The following CDH12 variants were observed in gnomAD, a reference collection of about 807,000 sequenced individuals.
The protein encoded by CDH12 is cadherin-12.
Under a neutral mutation model 74.1 loss-of-function variants are expected in CDH12, and 41 were observed. That is an observed-to-expected ratio of 0.55 (90% CI 0.43 to 0.72). The LOEUF (loss-of-function observed/expected upper bound fraction) is 0.72, where lower values mean the gene tolerates loss of function less well. CDH12 is among the 30% of genes least tolerant of loss of function. The probability of loss-of-function intolerance (pLI) is 0.00; values close to 1 mark genes in which losing one functional copy is unlikely to be tolerated. For missense variants in CDH12, 945 were observed against 977.2 expected, an observed-to-expected ratio of 0.97 and a Z score of 0.44; for synonymous variants, 399 against 355.0, an observed-to-expected ratio of 1.12 and a Z score of -1.39.
At chr5:22,329,550 C>T (rs1406418365) in intron 3 of CDH12, among the ~76,000 whole-genome samples, 1 of 152,092 alleles carries the variant, frequency 6.6e-6, no homozygotes, top group Non-Finnish European at 1.5e-5. Flanking sequence ...ATCATCAGAA[C>T]CAAAAATCAG....
At chr5:22,657,420 A>G (rs954715473) in intron 1 of CDH12, among the ~76,000 whole-genome samples, 1 of 152,216 alleles carries the variant, frequency 6.6e-6, no homozygotes, top group Admixed American at 6.5e-5. Flanking sequence ...AATATTTTAC[A>G]TTAAAACAAA....
In CDH12 at chr5:21,760,588, T is replaced by C. The variant is rs1744661376; in HGVS notation, c.1603A>G (p.Lys535Glu). 1.2e-6 allele frequency: 2 copies of C among 1,608,790 alleles called. No homozygotes were observed. The change falls in exon 13 of 15, where the codon AAA becomes GAA. Residue 535 changes from lysine (K) to glutamate (E), a missense_variant. Lys to Glu is a moderately conservative substitution (Grantham distance 56). Around this residue, in one of 3 missense-constraint regions of CDH12, gnomAD observed 791 missense variants for 792.8 expected, o/e 1.00. Transcript: ENST00000382254. Reference sequence around the variant, plus strand: ...AAGTCACGAACTGTAAAATTTGGTTTGATAGCAGCCTCAGGTGATAATCTA... The same window carrying C: ...AAGTCACGAACTGTAAAATTTGGTTCGATAGCAGCCTCAGGTGATAATCTA... ...SFRLSPEAAI[K>E]PNFTVRDFRN...
At chr5:22,260,700 A>C (rs1753472846) in intron 3 of CDH12, among the ~76,000 whole-genome samples, 1 of 152,038 alleles carries the variant, frequency 6.6e-6, no homozygotes, top group Non-Finnish European at 1.5e-5. Context: ...TGTCACCTTC[A>C]CAGAACAATT....
In CDH12 at chr5:22,189,811, C is replaced by A. The variant is rs373699855; in HGVS notation, c.-187+22687G>T. 4.3e-4 allele frequency among the ~76,000 whole-genome samples: 65 copies of A among 150,774 alleles called. 1 individual carries two copies. The East Asian group carries it at 0.012, about 29-fold the overall frequency. ...CAATGGCTTGAGATCTGTGGTGCAT[C>A]CAGGGGATAACAGATGCCTCAGAAG... On this transcript the variant is annotated intron_variant, in intron 4 of 14. Transcript: ENST00000382254.
chr5:22,841,614 C>G lies in CDH12; in HGVS notation c.-523+11444G>C, dbSNP rs568153237. On this transcript the variant is annotated intron_variant, in intron 1 of 14. Transcript: ENST00000382254. ...GTGGGTGTAGATAGACAGGAGAAAA[C>G]TAATGCTGCTCCAACACTGAGGGGA... 1.5e-3 allele frequency among the ~76,000 whole-genome samples: 226 copies of G among 151,738 alleles called. 9 individuals carry two copies. In the South Asian group the frequency reaches 0.045, roughly 30 times the overall value.
At chr5:22,008,714 G>A (rs562082212) in intron 5 of CDH12, among the ~76,000 whole-genome samples, 2 of 152,228 alleles carry the variant, frequency 1.3e-5, no homozygotes, top group Non-Finnish European at 1.5e-5. Flanking sequence ...TGAGGACTGG[G>A]CTTAGGGTAC....
chr5:22,767,356 T>A (rs191834529), intron 1 of CDH12, among the ~76,000 whole-genome samples: 1 of 152,170 alleles, frequency 6.6e-6, no homozygotes, highest in African/African-American at 2.4e-5. Context: ...TCAGATTGAC[T>A]ATTTTCCTTT....
At chr5:22,424,755 T>C (rs1255320291) in intron 2 of CDH12, among the ~76,000 whole-genome samples, 1 of 152,184 alleles carries the variant, frequency 6.6e-6, no homozygotes, top group Non-Finnish European at 1.5e-5. Flanking sequence ...CTTACTCGTT[T>C]AATCTCCTAC....
At chr5:22,160,167 T>C (rs1748254860) in intron 4 of CDH12, among the ~76,000 whole-genome samples, 3 of 152,198 alleles carry the variant, frequency 2.0e-5, no homozygotes, top group Admixed American at 6.5e-5. Flanking sequence ...ATCTGACCCA[T>C]ACAGTTGAGA....
At chr5:22,080,451 T>C (rs1291856396) in intron 4 of CDH12, among the ~76,000 whole-genome samples, 1 of 152,170 alleles carries the variant, frequency 6.6e-6, no homozygotes, top group Non-Finnish European at 1.5e-5. Flanking sequence ...TTTTTCTTCT[T>C]TATAAGAGTG....
chr5:22,498,102 A>G (rs1044775553), intron 2 of CDH12, among the ~76,000 whole-genome samples: 4 of 152,116 alleles, frequency 2.6e-5, no homozygotes, highest in African/African-American at 4.8e-5. Context: ...CTTTGCTCCC[A>G]TATCTATTCC....
intron 4 of CDH12, among the ~76,000 whole-genome samples, chr5:22,135,326 C>T (rs533079436): frequency 1.8e-4 from 27 of 151,674 alleles, no homozygotes; most frequent in Admixed American, 2.6e-4. Context: ...TGACTAGGTC[C>T]ATTTTTAAGT....
rs1744059294 is a variant in CDH12, at chr5:21,751,614, G to GTGTGTGTGTGTT, written c.*122_*123insAACACACACACA. 6.9e-6 allele frequency: 4 copies of GTGTGTGTGTGTT among 576,440 alleles called. No individual in the cohort carries two copies. The African/African-American group carries it at 1.0e-4, about 15-fold the overall frequency. The allele number at this position is 576,440 out of a possible 1,614,324, so 35.7% of individuals were successfully genotyped here. On this transcript the variant is annotated 3_prime_UTR_variant, in exon 15 of 15. Coordinates refer to ENST00000382254, the MANE Select transcript of CDH12 (RefSeq NM_004061.5). ...TCAAAGGAATCTTGTCCCAGAGTGT[G>GTGTGTGTGTGTT]TGTGTGTGTGTGTGTGTTTGTGTGT...
chr5:22,714,126 T>C (rs1743442232), intron 1 of CDH12, among the ~76,000 whole-genome samples: 1 of 152,222 alleles, frequency 6.6e-6, no homozygotes, highest in Non-Finnish European at 1.5e-5. Context: ...ACCCATTCCA[T>C]CAACTGGAGA....
At chr5:21,767,996 G>A (rs1216336600) in intron 11 of CDH12, among the ~76,000 whole-genome samples, 1 of 151,444 alleles carries the variant, frequency 6.6e-6, no homozygotes, top group Admixed American at 6.6e-5. Context: ...TGAATATTTG[G>A]GGCAGCAACG....
At chr5:22,742,809 T>C (rs572196306) in intron 1 of CDH12, among the ~76,000 whole-genome samples, 2 of 151,766 alleles carry the variant, frequency 1.3e-5, no homozygotes, top group East Asian at 3.9e-4. Context: ...TATATTTGCA[T>C]TCCACTATGT....
intron 1 of CDH12, among the ~76,000 whole-genome samples, chr5:22,519,170 A>C (rs1187385586): frequency 6.6e-6 from 1 of 152,166 alleles, no homozygotes; most frequent in East Asian, 1.9e-4. Flanking sequence ...GGCACTGGAC[A>C]GTATCCAAGA....
chr5:21,925,643 T>C (rs1364371918), intron 6 of CDH12, among the ~76,000 whole-genome samples: 1 of 152,224 alleles, frequency 6.6e-6, no homozygotes, highest in African/African-American at 2.4e-5. Context: ...TATTTTTCAT[T>C]TTGCTCTTTC....
intron 3 of CDH12, among the ~76,000 whole-genome samples, chr5:22,314,941 CTTTTTTTTTTTTTTTTTT>C (rs759734847): frequency 8.9e-5 from 6 of 67,770 alleles, no homozygotes; most frequent in Non-Finnish European, 1.0e-4. Flanking sequence ...CTGGGTTGGT[CTTTTTTTTTTTTTTTTTT>C]TTTTTTTTTT....
Sources: allele counts gnomAD v4.1 joint callset (sites outside exome capture counted in the v4.1 genomes callset), GRCh38; gene constraint gnomAD v4.1.1; regional missense constraint gnomAD v4.1.1; transcripts MANE v1.5; gene names NCBI Gene and HGNC (gene_info 2026-07-23, HGNC 2026-07-21).